The following MAML2 variants were observed in gnomAD, a reference collection of about 807,000 sequenced individuals.
The protein encoded by MAML2 is mastermind like transcriptional coactivator 2, also known as mastermind-like protein 2.
Under a neutral mutation model 96.1 loss-of-function variants are expected in MAML2, and 22 were observed. The ratio of observed to expected loss-of-function variants is 0.23; its 90% CI spans 0.16 to 0.33. The LOEUF is 0.33. Among genes scored for constraint, MAML2 ranks in the 10% least tolerant of loss-of-function variants. The pLI, the probability that MAML2 is intolerant of heterozygous loss-of-function variation, is 1.00. For synonymous variants in MAML2, 561 were observed against 521.3 expected, an observed-to-expected ratio of 1.08 and a Z score of -1.04; for missense variants, 1,367 against 1,392.4, an observed-to-expected ratio of 0.98 and a Z score of 0.29.
At chr11:96,291,383 T>C in intron 1 of MAML2, among the ~76,000 whole-genome samples, 1 of 152,138 alleles carries the variant, frequency 6.6e-6, no homozygotes. Context: ...CACCTTGGCC[T>C]CTCAAAGTGC....
At chr11:96,114,461 CA>C in intron 1 of MAML2, among the ~76,000 whole-genome samples, 1 of 152,326 alleles carries the variant, frequency 6.6e-6, no homozygotes, top group East Asian at 1.9e-4. Flanking sequence ...TGAATTCATG[CA>C]AATCCACCCC....
intron 1 of MAML2, among the ~76,000 whole-genome samples, chr11:96,259,815 T>C (rs1270253584): frequency 6.6e-6 from 1 of 152,162 alleles, no homozygotes; most frequent in Non-Finnish European, 1.5e-5. Context: ...CTTCTTTTTC[T>C]GAACAATCTC....
intron 1 of MAML2, among the ~76,000 whole-genome samples, chr11:96,163,542 G>A (rs1591048664): frequency 6.6e-6 from 1 of 152,278 alleles, no homozygotes. Flanking sequence ...ACTTAGACAA[G>A]GTCACGGCTA....
chr11:96,022,466 C>T (rs955152172), intron 2 of MAML2, among the ~76,000 whole-genome samples: 2 of 152,096 alleles, frequency 1.3e-5, no homozygotes, highest in Admixed American at 6.5e-5. Flanking sequence ...ATTAGTCTTT[C>T]GCTTGGTGGG....
At chr11:96,248,215 C>A (rs778053389) in intron 1 of MAML2, among the ~76,000 whole-genome samples, 2 of 150,246 alleles carry the variant, frequency 1.3e-5, no homozygotes, top group African/African-American at 4.9e-5. Context: ...TAGGTTCAAG[C>A]GATTCTCCTA....
chr11:96,172,278 T>A (rs1044932382), intron 1 of MAML2, among the ~76,000 whole-genome samples: 2 of 152,222 alleles, frequency 1.3e-5, no homozygotes, highest in Non-Finnish European at 2.9e-5. Flanking sequence ...CAAGGTAGCT[T>A]ATGGCTCATC....
chr11:96,218,287 T>C (rs1854129340), intron 1 of MAML2, among the ~76,000 whole-genome samples: 1 of 152,176 alleles, frequency 6.6e-6, no homozygotes, highest in South Asian at 2.1e-4. Context: ...CCAAAAACAA[T>C]CATCATTCTT....
intron 1 of MAML2, among the ~76,000 whole-genome samples, chr11:96,207,230 A>G (rs1861907914): frequency 6.6e-6 from 1 of 152,160 alleles, no homozygotes; most frequent in African/African-American, 2.4e-5. Flanking sequence ...GCTGGGCAAC[A>G]CTGTGCTGCA....
chr11:96,169,522 C>G (rs1398189233), intron 1 of MAML2, among the ~76,000 whole-genome samples: 1 of 152,222 alleles, frequency 6.6e-6, no homozygotes, highest in Admixed American at 6.5e-5. Context: ...TGGTCACGTC[C>G]TGGGACGCAA....
intron 2 of MAML2, among the ~76,000 whole-genome samples, chr11:96,053,020 A>G (rs1015365800): frequency 5.9e-5 from 9 of 152,242 alleles, no homozygotes; most frequent in Admixed American, 5.2e-4. Context: ...CCAGAACTCC[A>G]TTCAGCACTC....
At chr11:96,152,766 G>A (rs1465562787) in intron 1 of MAML2, among the ~76,000 whole-genome samples, 1 of 152,192 alleles carries the variant, frequency 6.6e-6, no homozygotes, top group Non-Finnish European at 1.5e-5. Context: ...AAGAAGGAGA[G>A]GAGTTTTGCT....
chr11:96,031,397 G>A (rs1440529600), intron 2 of MAML2, among the ~76,000 whole-genome samples: 3 of 152,036 alleles, frequency 2.0e-5, no homozygotes, highest in African/African-American at 7.2e-5. Context: ...GTAAATTAGT[G>A]TTTTCCAAAC....
At chr11:96,003,345 T>C (rs1274290673) in intron 2 of MAML2, among the ~76,000 whole-genome samples, 1 of 152,204 alleles carries the variant, frequency 6.6e-6, no homozygotes, top group Non-Finnish European at 1.5e-5. Flanking sequence ...CTGCATTTTT[T>C]ATCTTAATGA....
intron 1 of MAML2, among the ~76,000 whole-genome samples, chr11:96,115,503 C>T (rs901482905): frequency 6.6e-6 from 1 of 151,334 alleles, no homozygotes; most frequent in Non-Finnish European, 1.5e-5. Flanking sequence ...CATTCATACT[C>T]CAAGTAATCC....
intron 1 of MAML2, among the ~76,000 whole-genome samples, chr11:96,283,078 G>A (rs541438083): frequency 5.1e-4 from 78 of 152,268 alleles, no homozygotes; most frequent in South Asian, 4.8e-3. Flanking sequence ...CAACAAGGGC[G>A]AATGAAAGAT....
chr11:96,049,824 C>T (rs1209827506), intron 2 of MAML2, among the ~76,000 whole-genome samples: 2 of 152,142 alleles, frequency 1.3e-5, no homozygotes, highest in African/African-American at 4.8e-5. Context: ...TCTCTAACAC[C>T]TCATTAATGT....
intron 2 of MAML2, among the ~76,000 whole-genome samples, chr11:96,047,573 T>G (rs944835241): frequency 1.3e-5 from 2 of 152,144 alleles, no homozygotes; most frequent in African/African-American, 2.4e-5. Flanking sequence ...TTTTCACCCC[T>G]TCTGATAATC....
At position 96,039,454 on chromosome 11, in the gene MAML2, A is replaced by T. The variant is rs1458297442; in HGVS notation, c.2140-47731T>A. 3.9e-5 allele frequency among the ~76,000 whole-genome samples: 6 copies of T among 152,114 alleles called. No individual in the cohort carries two copies. In the East Asian group the frequency reaches 1.2e-3, roughly 29 times the overall value. ...AGGAGGGAACAGAAAAGAATTCCAT[A>T]AAAGTAACATAGGAGGAGCTAGAGG... On this transcript the variant is annotated intron_variant, in intron 2 of 4. Transcript: ENST00000524717.
At chr11:96,245,705 A>AATTTT (rs544726795) in intron 1 of MAML2, among the ~76,000 whole-genome samples, 6 of 136,936 alleles carry the variant, frequency 4.4e-5, no homozygotes, top group Admixed American at 1.5e-4. Flanking sequence ...CCCATACCTA[A>AATTTT]TTTTTTTTTT....
Sources: gnomAD v4.1 joint callset for allele counts (sites outside exome capture counted in the v4.1 genomes callset) on GRCh38, gnomAD v4.1.1 for gene constraint, MANE v1.5 for transcripts, NCBI Gene and HGNC (gene_info 2026-07-23, HGNC 2026-07-21) for gene names.